Variants in GOLGB1 observed in about 807,000 individuals in gnomAD.
GOLGB1 encodes the protein golgin subfamily B member 1.
In GOLGB1, 174 loss-of-function variants were observed where a neutral mutation model predicts 336.9. The ratio of observed to expected loss-of-function variants is 0.52; its 90% CI spans 0.46 to 0.59. The LOEUF (loss-of-function observed/expected upper bound fraction) is 0.59. GOLGB1 is among the 20% of genes least tolerant of loss of function. The pLI, the probability that GOLGB1 is intolerant of heterozygous loss-of-function variation, is 0.00. For synonymous variants in GOLGB1, 1,208 were observed against 1,289.2 expected, an observed-to-expected ratio of 0.94 and a Z score of 1.35; for missense variants, 3,331 against 3,645.3, an observed-to-expected ratio of 0.91 and a Z score of 2.22.
rs759694897 is a variant in GOLGB1, at chr3:121,726,978, T to C, written c.466A>G (p.Lys156Glu). Reference protein sequence around the residue: ...IEKIKHKLQEKEELISTLQAQ... With the variant: ...IEKIKHKLQEEEELISTLQAQ... ...TGCAAAGTGCTGATTAGTTCCTCCT[T>C]CTCCTGGAGCTTATGTTTTATCTTT... Residue 156 changes from lysine to glutamate, a missense_variant, in exon 5 of 22, where the codon AAG (lysine) becomes GAG (glutamate). Lys to Glu is a moderately conservative substitution (Grantham distance 56). Coordinates refer to ENST00000614479, the MANE Select transcript of GOLGB1 (RefSeq NM_001366282.2). 7 of 1,604,292 alleles carry C rather than the reference T, an allele frequency of 4.4e-6. No individual in the cohort carries two copies. The highest frequency in any genetic ancestry group is 1.7e-5 in the Admixed American group (1 of 59,572).
chr3:121,729,088 G>T, intron 4 of GOLGB1, 100 bp downstream of exon 4: 3 of 788,188 alleles, frequency 3.8e-6, no homozygotes, highest in Non-Finnish European at 4.0e-6. Context: ...ATTTAGTGCT[G>T]TATCATTTTA....
intron 1 of GOLGB1, among the ~76,000 whole-genome samples, chr3:121,742,750 A>C (rs1435732169): frequency 1.3e-5 from 2 of 152,224 alleles, no homozygotes; most frequent in Non-Finnish European, 2.9e-5. Context: ...AGAACCTACA[A>C]AGAACTTAAA....
intron 17 of GOLGB1, among the ~76,000 whole-genome samples, chr3:121,670,891 C>T (rs1939442148): frequency 6.6e-6 from 1 of 152,136 alleles, no homozygotes; most frequent in African/African-American, 2.4e-5. Flanking sequence ...ACATGTTCTT[C>T]CCTTAACCTA....
At chr3:121,743,037 C>T (rs956904038) in intron 1 of GOLGB1, among the ~76,000 whole-genome samples, 1 of 152,164 alleles carries the variant, frequency 6.6e-6, no homozygotes, top group Non-Finnish European at 1.5e-5. Context: ...ATTAGTTCAA[C>T]CATTGTGGAA....
Position 121,718,521 on chromosome 3 carries a change from G to C in GOLGB1, c.772-20C>G. On this transcript the variant is annotated intron_variant, in intron 7 of 21. Coordinates refer to ENST00000614479, the MANE Select transcript of GOLGB1 (RefSeq NM_001366282.2). ...CAATTTCTGAGAAGAAAACATTTTA[G>C]ACATAATATGCTAACAAATGAGTGC... The C allele has an allele frequency of 7.0e-7, 1 of 1,426,440 alleles. No individual in the cohort carries two copies. The highest frequency in any genetic ancestry group is 9.9e-7 in the Non-Finnish European group (1 of 1,009,622). The allele number at this position is 1,426,440 out of a possible 1,614,324, so 88.4% of individuals were successfully genotyped here.
intron 9 of GOLGB1, 62 bp from the exon 10 acceptor site, chr3:121,715,038 A>G (rs976066441): frequency 9.9e-6 from 9 of 905,268 alleles, no homozygotes; most frequent in Middle Eastern, 2.5e-4. Flanking sequence ...AGTTATTATT[A>G]TCTTCTAAAG....
intron 1 of GOLGB1, 102 bp from the exon 2 acceptor site, chr3:121,731,075 T>A: frequency 8.6e-7 from 1 of 1,156,988 alleles, no homozygotes; most frequent in Non-Finnish European, 1.2e-6. Context: ...AAAAGAATAC[T>A]GTACAGGTGA....
chr3:121,733,442 GCTGAAAACTA>G (rs1172030239), intron 1 of GOLGB1, among the ~76,000 whole-genome samples: 1 of 152,122 alleles, frequency 6.6e-6, no homozygotes, highest in Non-Finnish European at 1.5e-5. Context: ...TTTGCTGAAT[GCTGAAAACTA>G]TTGAAAACCC....
At chr3:121,727,316 ATATATTTT>A (rs1414500418) in intron 4 of GOLGB1, among the ~76,000 whole-genome samples, 188 of 35,890 alleles carry the variant, frequency 5.2e-3, no homozygotes, top group South Asian at 0.016. Flanking sequence ...ATATATATAT[ATATATTTT>A]TTTTTTTTTT....
intron 5 of GOLGB1, among the ~76,000 whole-genome samples, chr3:121,724,086 G>T (rs1368694949): frequency 2.0e-5 from 3 of 152,096 alleles, no homozygotes; most frequent in African/African-American, 7.2e-5. Context: ...TTGACAAGTG[G>T]GGTCATCGTT....
In GOLGB1 at chr3:121,695,440, G is replaced by C; in HGVS notation, c.5083C>G (p.Leu1695Val). The change falls in exon 13 of 22, where the codon CTA becomes GTA. Residue 1695 changes from leucine (L) to valine (V), a missense_variant. By Grantham distance (32) the Leu-to-Val change is conservative (BLOSUM62 1). Transcript: ENST00000614479. Reference protein sequence around the residue: ...KFAKSKQQKILELEEENDRLR... With the variant: ...KFAKSKQQKIVELEEENDRLR... ...CGGTCATTCTCTTCTTCCAGCTCTA[G>C]GATTTTCTGCTGTTTAGATTTAGCA... 6.2e-7 allele frequency: 1 copy of C among 1,613,884 alleles called. No individual in the cohort carries two copies. Among genetic ancestry groups the C allele is most frequent in the Non-Finnish European group, 8.5e-7 (1 of 1,179,960 alleles).
chr3:121,735,489 T>C (rs577212014), intron 1 of GOLGB1, among the ~76,000 whole-genome samples: 4 of 152,322 alleles, frequency 2.6e-5, no homozygotes, highest in African/African-American at 9.6e-5. Flanking sequence ...CTCTGCTTGG[T>C]AAATTTCTTT....
Position 121,722,330 on chromosome 3 carries a change from C to A in GOLGB1, c.580G>T (p.Glu194Ter). The part of the protein sequence containing the change: ...EFVMMKQQLQ[E>*]KEEFISTLQA... ...AAAGTGCTAATGAATTCTTCCTTCT[C>A]CTGGAGCTGTTGCTTCATCATTACA... The change falls in exon 6 of 22, where the codon GAG becomes TAG. Residue 194 changes from glutamate to a stop codon, truncating the protein, a stop_gained. Coordinates refer to ENST00000614479, the MANE Select transcript of GOLGB1 (RefSeq NM_001366282.2). LOFTEE classifies it high-confidence loss of function. The A allele has an allele frequency of 6.2e-7, 1 of 1,612,732 alleles. No homozygotes were observed.
rs755451480 is a variant in GOLGB1 at position 121,698,417 on chromosome 3, C to A, written c.2106G>T (p.Glu702Asp). Reference protein sequence around the residue: ...ERLKSQILELELNFHKAQEIY... With the variant: ...ERLKSQILELDLNFHKAQEIY... ...TTTCTTGTGCTTTATGAAAGTTTAG[C>A]TCGAGCTCCAAAATTTGACTTTTTA... The change falls in exon 13 of 22, where the codon GAG becomes GAT. Residue 702 changes from glutamate (E) to aspartate (D), a missense_variant. Physicochemically the swap from Glu to Asp is conservative, Grantham distance 45. Coordinates refer to ENST00000614479, the MANE Select transcript of GOLGB1 (RefSeq NM_001366282.2). 1.2e-6 allele frequency: 2 copies of A among 1,613,766 alleles called. No homozygotes were observed. The highest frequency in any genetic ancestry group is 2.7e-5 in the African/African-American group (2 of 74,904).
chr3:121,727,320 A>ATATTTTT, intron 4 of GOLGB1, among the ~76,000 whole-genome samples: 1 of 28,636 alleles, frequency 3.5e-5, no homozygotes. Flanking sequence ...ATATATATAT[A>ATATTTTT]TTTTTTTTTT....
chr3:121,724,340 A>G (rs184472991), intron 5 of GOLGB1, among the ~76,000 whole-genome samples: 3 of 152,326 alleles, frequency 2.0e-5, no homozygotes, highest in Admixed American at 6.5e-5. Context: ...AATGAGGAAC[A>G]AAGTATCAGA....
At chr3:121,684,928 T>C (rs1002139119) in intron 14 of GOLGB1, among the ~76,000 whole-genome samples, 3 of 152,186 alleles carry the variant, frequency 2.0e-5, no homozygotes, top group Admixed American at 6.5e-5. Flanking sequence ...CTGGTTGATA[T>C]AGGAGCAAAT....
intron 1 of GOLGB1, among the ~76,000 whole-genome samples, chr3:121,731,733 G>C (rs1279727729): frequency 6.6e-6 from 1 of 151,754 alleles, no homozygotes. Flanking sequence ...TAGAAAAGGA[G>C]GAAGGACAGA....
intron 5 of GOLGB1, among the ~76,000 whole-genome samples, chr3:121,725,983 AT>A (rs1320650248): frequency 3.4e-4 from 52 of 151,842 alleles, no homozygotes; most frequent in African/African-American, 1.2e-3. Context: ...TAAGAAATAA[AT>A]TTATTTAAAT....
Sources: gnomAD v4.1 joint callset for allele counts (sites outside exome capture counted in the v4.1 genomes callset) on GRCh38, gnomAD v4.1.1 for gene constraint, MANE v1.5 for transcripts, NCBI Gene and HGNC (gene_info 2026-07-23, HGNC 2026-07-21) for gene names.